GRID2: variants seen among roughly 807,000 people sequenced by gnomAD.
The protein encoded by GRID2 is glutamate receptor ionotropic, delta-2.
A neutral mutation model predicts 114.8 loss-of-function variants in GRID2; 33 were observed. The observed-to-expected ratio is 0.29, with a 90% CI of 0.22 to 0.38. GRID2 has a LOEUF of 0.38. Among genes scored for constraint, GRID2 ranks in the 10% least tolerant of loss-of-function variants. The pLI is 1.00. For synonymous variants in GRID2, 505 were observed against 449.9 expected (o/e 1.12, Z -1.55); for missense variants, 1,184 against 1,257.7 (o/e 0.94, Z 0.89).
At chr4:93,221,245 T>C (rs1744837079) in intron 6 of GRID2, among the ~76,000 whole-genome samples, 1 of 152,036 alleles carries the variant, frequency 6.6e-6, no homozygotes. Flanking sequence ...AACAGAAACA[T>C]TGAAACACAA....
In GRID2 at chr4:93,143,884, A is replaced by AT. The variant is rs997381552; in HGVS notation, c.735+32940dup. Reference sequence around the variant, plus strand: ...TTGCATATGAGCCATGTTCTAAGTGATTTTTTTTTCTATATAGATTTTAAG... The same window carrying AT: ...TTGCATATGAGCCATGTTCTAAGTGATTTTTTTTTTCTATATAGATTTTAAG... On this transcript the variant is annotated intron_variant, in intron 4 of 15. Coordinates refer to ENST00000282020, the MANE Select transcript of GRID2 (RefSeq NM_001510.4). Among the ~76,000 whole-genome samples, 133 of 151,624 alleles carry AT rather than the reference A, an allele frequency of 8.8e-4. 1 individual carries two copies. The highest frequency in any genetic ancestry group is 2.7e-3 in the African/African-American group (110 of 41,332).
chr4:93,410,674 C>G (rs976309892), intron 9 of GRID2, among the ~76,000 whole-genome samples: 1 of 152,244 alleles, frequency 6.6e-6, no homozygotes, highest in Non-Finnish European at 1.5e-5. Context: ...ACCTCCATCT[C>G]CTGGGTTCAA....
At chr4:92,816,246 C>T (rs200055778) in intron 2 of GRID2, among the ~76,000 whole-genome samples, 3 of 137,508 alleles carry the variant, frequency 2.2e-5, no homozygotes, top group African/African-American at 5.5e-5. Flanking sequence ...ACCTGGGAGG[C>T]GGAGTATGTG....
intron 4 of GRID2, among the ~76,000 whole-genome samples, chr4:93,180,696 C>T (rs1279153642): frequency 6.6e-6 from 1 of 152,064 alleles, no homozygotes; most frequent in African/African-American, 2.4e-5. Context: ...GCAATGTTCC[C>T]AGCATCTTCA....
At chr4:93,262,742 G>A (rs768935789) in intron 8 of GRID2, among the ~76,000 whole-genome samples, 18 of 151,298 alleles carry the variant, frequency 1.2e-4, no homozygotes, top group South Asian at 6.3e-4. Context: ...TTTAACTTAC[G>A]CAAATATTCC....
intron 2 of GRID2, among the ~76,000 whole-genome samples, chr4:92,755,998 T>A (rs1190477726): frequency 1.3e-5 from 2 of 152,160 alleles, no homozygotes. Flanking sequence ...CTATTTGAAA[T>A]GTACAGTACA....
chr4:92,651,754 G>A (rs1012777212), intron 2 of GRID2, among the ~76,000 whole-genome samples: 3 of 152,000 alleles, frequency 2.0e-5, no homozygotes, highest in Non-Finnish European at 4.4e-5. Flanking sequence ...TTCAAAACAG[G>A]TGCACTGCCT....
chr4:93,615,922 C>G (rs75392378), intron 13 of GRID2, among the ~76,000 whole-genome samples: 11,873 of 151,898 alleles, frequency 0.078, 564 homozygotes, highest in Middle Eastern at 0.12. Flanking sequence ...TTTTATTTTA[C>G]TGTATTCTTT....
At chr4:93,548,730 G>A (rs1436383094) in intron 13 of GRID2, among the ~76,000 whole-genome samples, 2 of 152,090 alleles carry the variant, frequency 1.3e-5, no homozygotes, top group Admixed American at 6.5e-5. Context: ...TTCTAATAGT[G>A]CATTGAATCC....
At chr4:92,475,345 G>C (rs1302035063) in intron 1 of GRID2, among the ~76,000 whole-genome samples, 1 of 151,150 alleles carries the variant, frequency 6.6e-6, no homozygotes, top group Non-Finnish European at 1.5e-5. Context: ...ATTGATTTCT[G>C]TATATGATGT....
intron 1 of GRID2, among the ~76,000 whole-genome samples, chr4:92,387,931 C>G (rs1261719841): frequency 1.3e-5 from 2 of 151,994 alleles, no homozygotes; most frequent in African/African-American, 4.8e-5. Context: ...TTATTCCCTT[C>G]CAAGTCTAGC....
At chr4:93,544,686 A>G (rs1310999625) in intron 13 of GRID2, among the ~76,000 whole-genome samples, 1 of 151,784 alleles carries the variant, frequency 6.6e-6, no homozygotes, top group Non-Finnish European at 1.5e-5. Flanking sequence ...CTGAGGCAAG[A>G]TAATTGCTTG....
chr4:93,418,496 C>T (rs780642478), intron 9 of GRID2, among the ~76,000 whole-genome samples: 2 of 152,004 alleles, frequency 1.3e-5, no homozygotes, highest in African/African-American at 4.8e-5. Flanking sequence ...AAGCATTGCC[C>T]TTCATTTCTT....
At chr4:93,544,027 C>T (rs1028029609) in intron 13 of GRID2, among the ~76,000 whole-genome samples, 1 of 152,190 alleles carries the variant, frequency 6.6e-6, no homozygotes, top group Non-Finnish European at 1.5e-5. Context: ...TTTGCACACT[C>T]TCTATATTAC....
rs148882687 is a variant in GRID2, at chr4:92,319,905, G to A, written c.88+15161G>A. On this transcript the variant is annotated intron_variant, in intron 1 of 15. Coordinates refer to ENST00000282020, the MANE Select transcript of GRID2 (RefSeq NM_001510.4). Reference sequence around the variant, plus strand: ...CATTTTTAGGATAAAAAGTCATTATGTCTGTAAATATGCTTATTGAACTCT... The same window carrying A: ...CATTTTTAGGATAAAAAGTCATTATATCTGTAAATATGCTTATTGAACTCT... Among the ~76,000 whole-genome samples the A allele has an allele frequency of 3.4e-3, 516 of 152,250 alleles. 4 individuals are homozygous for A. Among genetic ancestry groups the A allele is most frequent in the African/African-American group, 0.011 (475 of 41,550 alleles).
chr4:93,224,841 G>A (rs533433373), intron 7 of GRID2, 66 bp downstream of exon 7: 4 of 1,144,260 alleles, frequency 3.5e-6, no homozygotes, highest in Non-Finnish European at 5.1e-6. Flanking sequence ...TTAGAAAAAG[G>A]GTTTCCTCTT....
intron 1 of GRID2, among the ~76,000 whole-genome samples, chr4:92,415,250 G>A (rs1731538397): frequency 1.3e-5 from 2 of 151,752 alleles, no homozygotes; most frequent in Admixed American, 1.3e-4. Context: ...ACTTTTATAT[G>A]TATTATCTTC....
At chr4:92,943,552 A>G (rs1751352801) in intron 2 of GRID2, among the ~76,000 whole-genome samples, 1 of 151,998 alleles carries the variant, frequency 6.6e-6, no homozygotes, top group Admixed American at 6.6e-5. Flanking sequence ...GAGTAGTTTG[A>G]TCGTCTGAAG....
chr4:92,747,453 G>A (rs73837333), intron 2 of GRID2, among the ~76,000 whole-genome samples: 128 of 152,152 alleles, frequency 8.4e-4, no homozygotes, highest in African/African-American at 3.0e-3. Context: ...ATTATTCAGC[G>A]TATGTTTCTT....
Sources: gnomAD v4.1 joint callset for allele counts (sites outside exome capture counted in the v4.1 genomes callset) on GRCh38, gnomAD v4.1.1 for gene constraint, MANE v1.5 for transcripts, NCBI Gene and HGNC (gene_info 2026-07-23, HGNC 2026-07-21) for gene names.